SORD: variants seen among roughly 807,000 people sequenced by gnomAD.
SORD encodes sorbitol dehydrogenase.
A neutral mutation model predicts 35.6 loss-of-function variants in SORD; 18 were observed. That is an observed-to-expected ratio of 0.51 (90% CI 0.35 to 0.75). The LOEUF is 0.75. SORD is among the 30% of genes least tolerant of loss of function. SORD has a pLI of 0.01. For synonymous variants in SORD, 106 were observed against 152.9 expected, an observed-to-expected ratio of 0.69 and a Z score of 2.26; for missense variants, 250 against 390.2, an observed-to-expected ratio of 0.64 and a Z score of 3.03.
intron 3 of SORD, among the ~76,000 whole-genome samples, chr15:45,052,112 T>C (rs1893134552): frequency 6.6e-6 from 1 of 152,214 alleles, no homozygotes; most frequent in Non-Finnish European, 1.5e-5. Flanking sequence ...ACCTTGCATG[T>C]AAATCTATTT....
rs1383303499 is a variant in SORD at position 45,061,231 on chromosome 15, G to A, written c.425+5G>A. 3 of 1,613,970 alleles carry A rather than the reference G, an allele frequency of 1.9e-6. No individual in the cohort carries two copies. Among genetic ancestry groups the A allele is most frequent in the Non-Finnish European group, 2.5e-6 (3 of 1,179,994 alleles). The stretch of plus-strand genomic sequence containing the variant: ...CAATGCAGCCTTTTGTTACAAGTTA[G>A]TGTCCACAGTCCCACTGGGTCACCT... On this transcript the variant is annotated splice_donor_5th_base_variant and intron_variant, in intron 4 of 8. Coordinates refer to ENST00000267814, the MANE Select transcript of SORD (RefSeq NM_003104.6).
At chr15:45,065,444 C>T (rs1301120112) in intron 5 of SORD, 55 bp downstream of exon 5, 16 of 1,551,204 alleles carry the variant, frequency 1.0e-5, no homozygotes. Flanking sequence ...TTCAGGGAAC[C>T]CTCTGCCCAT....
intron 1 of SORD, among the ~76,000 whole-genome samples, chr15:45,029,409 G>C (rs925500205): frequency 3.4e-5 from 5 of 148,250 alleles, no homozygotes; most frequent in African/African-American, 1.3e-4. Flanking sequence ...AACCCCTTGT[G>C]GGAGGGAGCA....
chr15:45,024,372 T>C (rs1435429623), intron 1 of SORD, among the ~76,000 whole-genome samples: 1 of 152,250 alleles, frequency 6.6e-6, no homozygotes, highest in Non-Finnish European at 1.5e-5. Flanking sequence ...GCAAATAGAC[T>C]GAGTTTGGCA....
chr15:45,069,270 G>A (rs528587459), intron 7 of SORD, among the ~76,000 whole-genome samples: 2 of 131,090 alleles, frequency 1.5e-5, no homozygotes, highest in African/African-American at 2.9e-5. Context: ...GCCGTGGCTC[G>A]ATCTCAGCTA....
At chr15:45,072,963 G>A (rs1161408913) in intron 8 of SORD, among the ~76,000 whole-genome samples, 2 of 135,744 alleles carry the variant, frequency 1.5e-5, no homozygotes, top group Admixed American at 6.8e-5. Context: ...TGGCTTTAGA[G>A]GCTGTAACTC....
At chr15:45,065,826 G>A (rs373277744) in intron 5 of SORD, among the ~76,000 whole-genome samples, 1 of 152,084 alleles carries the variant, frequency 6.6e-6, no homozygotes, top group African/African-American at 2.4e-5. Context: ...AGGCTGAGGT[G>A]GGAGGATCAC....
intron 3 of SORD, among the ~76,000 whole-genome samples, chr15:45,045,922 G>A (rs1354081091): frequency 4.0e-5 from 6 of 151,886 alleles, no homozygotes; most frequent in Non-Finnish European, 7.4e-5. Context: ...GATCACTTAA[G>A]CCCAGGAGGT....
intron 3 of SORD, among the ~76,000 whole-genome samples, chr15:45,057,870 G>A (rs1410296477): frequency 1.3e-5 from 2 of 152,238 alleles, no homozygotes; most frequent in African/African-American, 4.8e-5. Flanking sequence ...GGTATTCACT[G>A]AGGGTGAAAT....
Position 45,060,956 on chromosome 15 carries a change from C to T in SORD, c.266-111C>T, listed in dbSNP as rs968713204. On this transcript the variant is annotated intron_variant, in intron 3 of 8. Coordinates refer to ENST00000267814, the MANE Select transcript of SORD (RefSeq NM_003104.6). ...CCCATGAGCATGCAAGCCTTCATAA[C>T]ATCTCTGCTTCTGCTGTTTTCAAAG... 5 of 1,545,004 alleles carry T rather than the reference C, an allele frequency of 3.2e-6. No homozygotes were observed. In the African/African-American group the frequency reaches 4.1e-5, roughly 13 times the overall value.
intron 8 of SORD, among the ~76,000 whole-genome samples, chr15:45,072,746 T>G (rs1418305313): frequency 3.6e-5 from 5 of 140,238 alleles, no homozygotes; most frequent in Admixed American, 6.7e-5. Flanking sequence ...TTGCCAGGTC[T>G]CCATTTTCTC....
rs76647534 is a variant in SORD, at chr15:45,068,785, A to G, written c.611-92A>G. On this transcript the variant is annotated intron_variant, in intron 6 of 8. Coordinates refer to ENST00000267814, the MANE Select transcript of SORD (RefSeq NM_003104.6). Reference sequence around the variant, plus strand: ...ATTGCACGAGAGCTTTGTTGCCATCAGATCTTACATCTCCATTTTCTTTTC... The same window carrying G: ...ATTGCACGAGAGCTTTGTTGCCATCGGATCTTACATCTCCATTTTCTTTTC... 60,326 of 1,319,348 alleles carry G rather than the reference A, an allele frequency of 0.046. 7,428 individuals carry two copies. In the African/African-American group the frequency reaches 0.47, roughly 10 times the overall value. The allele number at this position is 1,319,348 out of a possible 1,614,324, so 81.7% of individuals were successfully genotyped here.
At chr15:45,047,272 G>A (rs1364002464) in intron 3 of SORD, 1 of 151,842 alleles carries the variant, frequency 6.6e-6, no homozygotes, top group Non-Finnish European at 1.5e-5. Context: ...ACTATTCTGT[G>A]AGTACTTTCA....
intron 3 of SORD, among the ~76,000 whole-genome samples, chr15:45,054,234 T>C (rs1244033741): frequency 6.6e-6 from 1 of 152,236 alleles, no homozygotes; most frequent in South Asian, 2.1e-4. Context: ...ACTTCCACAG[T>C]GGTTGAACTA....
rs1215758214 is a variant in SORD at position 45,065,514 on chromosome 15, G to A, written c.544+125G>A. On this transcript the variant is annotated intron_variant, in intron 5 of 8. Coordinates refer to ENST00000267814, the MANE Select transcript of SORD (RefSeq NM_003104.6). The stretch of plus-strand genomic sequence containing the variant: ...GAATCCTTCTGGGTAAGGGAGGATT[G>A]CAGTGTCCCATTCCCTCAGTGACTA... The A allele has an allele frequency of 3.2e-5, 47 of 1,448,704 alleles. No individual in the cohort carries two copies. The East Asian group carries it at 1.0e-3, about 31-fold the overall frequency. 89.7% of individuals were successfully genotyped at this position (1,448,704 alleles called of 1,614,324 possible). A position where few individuals can be genotyped will look rare whatever the true frequency, so the allele number is the denominator to read the frequency against.
intron 1 of SORD, among the ~76,000 whole-genome samples, chr15:45,029,437 G>A (rs944065590): frequency 4.6e-5 from 7 of 152,168 alleles, no homozygotes; most frequent in African/African-American, 1.4e-4. Context: ...GAGTGAGTGC[G>A]GGATCCAGCC....
intron 5 of SORD, 150 bp from the exon 6 acceptor site, chr15:45,068,031 C>A (rs991546556): frequency 3.0e-6 from 2 of 667,304 alleles, no homozygotes; most frequent in African/African-American, 3.6e-5. Context: ...CTTCTGCATT[C>A]AACAAACAGC....
intron 2 of SORD, among the ~76,000 whole-genome samples, chr15:45,041,390 C>G (rs576384951): frequency 6.6e-6 from 1 of 152,020 alleles, no homozygotes; most frequent in Non-Finnish European, 1.5e-5. Context: ...CACACCTAGA[C>G]AGTCAGGTCC....
chr15:45,051,024 G>A (rs1893115522), intron 3 of SORD, among the ~76,000 whole-genome samples: 1 of 152,138 alleles, frequency 6.6e-6, no homozygotes, highest in African/African-American at 2.4e-5. Context: ...CTATTCCAAT[G>A]TCACAATCTC....
Sources: allele counts gnomAD v4.1 joint callset (sites outside exome capture counted in the v4.1 genomes callset), GRCh38; gene constraint gnomAD v4.1.1; transcripts MANE v1.5; gene names NCBI Gene and HGNC (gene_info 2026-07-23, HGNC 2026-07-21).